Variants in GFRA2 observed in about 807,000 individuals in gnomAD.
The protein encoded by GFRA2 is GDNF family receptor alpha-2.
GFRA2 carries 17 observed loss-of-function variants against 48.3 expected under a neutral mutation model. The ratio of observed to expected loss-of-function variants is 0.35; its 90% CI spans 0.24 to 0.53. The LOEUF (loss-of-function observed/expected upper bound fraction) is 0.53. GFRA2 is among the 20% of genes least tolerant of loss of function. The probability of loss-of-function intolerance (pLI) is 0.93; values close to 1 mark genes in which losing one functional copy is unlikely to be tolerated. For synonymous variants in GFRA2, 305 were observed against 257.2 expected (o/e 1.19, Z -1.78); for missense variants, 660 against 637.3 (o/e 1.04, Z -0.38).
chr8:21,753,090 C>A (rs951600907), intron 3 of GFRA2, among the ~76,000 whole-genome samples: 1 of 152,228 alleles, frequency 6.6e-6, no homozygotes, highest in Non-Finnish European at 1.5e-5. Context: ...TGCTCCTAGG[C>A]TCCAAAGCCC....
rs563058699 is a variant in GFRA2 at position 21,750,497 on chromosome 8, G to C, written c.794+91C>G. The C allele has an allele frequency of 2.9e-6, 2 of 694,092 alleles. No homozygotes were observed. Among genetic ancestry groups the C allele is most frequent in the East Asian group, 2.7e-5 (1 of 36,692 alleles). 43.0% of individuals were successfully genotyped at this position (694,092 alleles called of 1,614,324 possible). ...TCTGCTGGACTCAGGGTCATAATTCGATGCACCCAAGGAATGCAGAGAAAG... is the reference window on the plus strand; with the variant it reads ...TCTGCTGGACTCAGGGTCATAATTCCATGCACCCAAGGAATGCAGAGAAAG... On this transcript the variant is annotated intron_variant, in intron 4 of 8. Coordinates refer to ENST00000524240, the MANE Select transcript of GFRA2 (RefSeq NM_001495.5). This position sits in a 1 kb window ranked among gnomAD's most constrained non-coding sequence, Gnocchi z 5.7.
At chr8:21,733,544 C>T (rs1804301681) in intron 4 of GFRA2, among the ~76,000 whole-genome samples, 1 of 152,162 alleles carries the variant, frequency 6.6e-6, no homozygotes, top group African/African-American at 2.4e-5. Flanking sequence ...GGAGAGAAAG[C>T]CCCAGCCCTT....
At chr8:21,705,787 C>G (rs1437948020) in intron 5 of GFRA2, 145 bp downstream of exon 5, 3 of 608,532 alleles carry the variant, frequency 4.9e-6, no homozygotes, top group Non-Finnish European at 8.8e-6. Context: ...CCCTGGTTTC[C>G]CCTCGCAGCT....
chr8:21,750,807 G>T lies in GFRA2; in HGVS notation c.575C>A (p.Thr192Asn). ...GCACTTGCGGCGGTTGCAGCGCTCG[G>T]TGGGCGAGATCTCGCGGTTGCAGAT... ...ISICNREISPTERCNRRKCHK... is the reference protein window; with the variant it reads ...ISICNREISPNERCNRRKCHK... The change falls in exon 4 of 9, where the codon ACC (threonine) becomes AAC (asparagine). Residue 192 changes from threonine (T) to asparagine (N), a missense_variant. Transcript: ENST00000524240. This position sits in a 1 kb window ranked among gnomAD's most constrained non-coding sequence, Gnocchi z 5.7. 3 of 1,614,032 alleles carry T rather than the reference G, an allele frequency of 1.9e-6. No homozygotes were observed. The highest frequency in any genetic ancestry group is 2.5e-6 in the Non-Finnish European group (3 of 1,179,892).
intron 7 of GFRA2, among the ~76,000 whole-genome samples, chr8:21,698,175 G>A (rs930609943): frequency 6.6e-6 from 1 of 152,176 alleles, no homozygotes; most frequent in Admixed American, 6.5e-5. Context: ...AGGCTGCAAG[G>A]ATGGCAGGAC....
chr8:21,802,828 C>T (rs1807795025), intron 2 of GFRA2, among the ~76,000 whole-genome samples: 1 of 152,186 alleles, frequency 6.6e-6, no homozygotes, highest in African/African-American at 2.4e-5. Context: ...TTAGAGAAAT[C>T]ATTTCATAAG....
Position 21,750,774 on chromosome 8 carries a change from G to A in GFRA2, c.608C>T (p.Ala203Val), listed in dbSNP as rs1259228830. ...CACCCGGTCGAAGAACTGGCGCAGG[G>A]CCTTGTGGCACTTGCGGCGGTTGCA... ...ERCNRRKCHK[A>V]LRQFFDRVPS... Residue 203 changes from alanine to valine, a missense_variant, in exon 4 of 9, where the codon GCC becomes GTC. Coordinates refer to ENST00000524240, the MANE Select transcript of GFRA2 (RefSeq NM_001495.5). This position sits in a 1 kb window ranked among gnomAD's most constrained non-coding sequence, Gnocchi z 5.7. The A allele has an allele frequency of 1.2e-6, 2 of 1,613,914 alleles. No individual in the cohort carries two copies. Among genetic ancestry groups the A allele is most frequent in the South Asian group, 2.2e-5 (2 of 91,090 alleles).
chr8:21,736,707 G>T (rs1463546281), intron 4 of GFRA2, among the ~76,000 whole-genome samples: 1 of 151,856 alleles, frequency 6.6e-6, no homozygotes, highest in Non-Finnish European at 1.5e-5. Flanking sequence ...TCACTATGTT[G>T]CCCAGGCTGG....
chr8:21,698,561 TCTGGCC>T (rs1244869841), intron 7 of GFRA2, among the ~76,000 whole-genome samples: 1 of 152,130 alleles, frequency 6.6e-6, no homozygotes, highest in African/African-American at 2.4e-5. Context: ...ACTCCCTGCT[TCTGGCC>T]CTGGCCCCGC....
At chr8:21,724,504 G>A (rs937865283) in intron 4 of GFRA2, among the ~76,000 whole-genome samples, 1 of 152,178 alleles carries the variant, frequency 6.6e-6, no homozygotes, top group Non-Finnish European at 1.5e-5. Context: ...CTCCTCTGCA[G>A]TACTAGGTCT....
At chr8:21,699,852 C>A (rs935940374) in intron 7 of GFRA2, among the ~76,000 whole-genome samples, 5 of 152,118 alleles carry the variant, frequency 3.3e-5, no homozygotes, top group African/African-American at 1.2e-4. Context: ...AACAAAGCAC[C>A]CACTCCATGC....
chr8:21,701,898 C>T (rs1477188152), intron 7 of GFRA2, among the ~76,000 whole-genome samples: 1 of 152,128 alleles, frequency 6.6e-6, no homozygotes, highest in Non-Finnish European at 1.5e-5. Flanking sequence ...GGCTTTGGAC[C>T]TTATGACCAC....
chr8:21,762,573 G>A (rs990262808), intron 3 of GFRA2, among the ~76,000 whole-genome samples: 13 of 152,262 alleles, frequency 8.5e-5, no homozygotes, highest in African/African-American at 2.4e-4. Context: ...TCAATTTGAC[G>A]AATGGCAAAT....
chr8:21,797,823 T>C (rs371362459), intron 2 of GFRA2: 276 of 152,274 alleles, frequency 1.8e-3, no homozygotes, highest in African/African-American at 6.4e-3. Context: ...TCCACAAGGA[T>C]CCAGTATATG....
chr8:21,763,714 A>G lies in GFRA2; in HGVS notation c.439+11258T>C, dbSNP rs145478747. On this transcript the variant is annotated intron_variant, in intron 3 of 8. Transcript: ENST00000524240. ...GAATTCCCACTCCAGCAAACCCTCA[A>G]CCTCTCCCAGACCCTGACCCCCTGA... Among the ~76,000 whole-genome samples the G allele has an allele frequency of 9.1e-3, 1,352 of 149,234 alleles. 21 individuals carry two copies. The highest frequency in any genetic ancestry group is 0.031 in the African/African-American group (1,270 of 40,482).
intron 6 of GFRA2, among the ~76,000 whole-genome samples, chr8:21,703,534 G>A (rs560891736): frequency 4.6e-5 from 7 of 152,264 alleles, no homozygotes; most frequent in East Asian, 3.9e-4. Flanking sequence ...CCGCCTCCAC[G>A]AGCCACACAC....
chr8:21,694,380 C>T (rs903869832), intron 8 of GFRA2, 84 bp downstream of exon 8: 3 of 1,305,168 alleles, frequency 2.3e-6, no homozygotes, highest in South Asian at 1.3e-5. Context: ...GATTTGAGGG[C>T]GCTGGATCTG....
chr8:21,719,894 G>A lies in GFRA2; in HGVS notation c.795-13853C>T, dbSNP rs149514158. ...CTCTTCCTAGACCAGTAATTTGTCC[G>A]AAGACCCTGACAACTGAAGTCTCAT... is the stretch of plus-strand genomic sequence containing the variant. On this transcript the variant is annotated intron_variant, in intron 4 of 8. Transcript: ENST00000524240. Among the ~76,000 whole-genome samples, 261 of 152,178 alleles carry A rather than the reference G, an allele frequency of 1.7e-3. 1 individual carries two copies. Among genetic ancestry groups the A allele is most frequent in the African/African-American group, 6.0e-3 (250 of 41,516 alleles).
intron 3 of GFRA2, among the ~76,000 whole-genome samples, chr8:21,754,366 C>T (rs1805449512): frequency 1.3e-5 from 2 of 152,104 alleles, no homozygotes; most frequent in Admixed American, 1.3e-4. Context: ...ATTAAGCAAG[C>T]AAAATGGTAC....
Sources: allele counts gnomAD v4.1 joint callset (sites outside exome capture counted in the v4.1 genomes callset), GRCh38; gene constraint gnomAD v4.1.1; non-coding constraint Gnocchi (gnomAD v3.1); transcripts MANE v1.5; gene names NCBI Gene and HGNC (gene_info 2026-07-23, HGNC 2026-07-21).